CA10: variants seen among roughly 807,000 people sequenced by gnomAD.
CA10 encodes carbonic anhydrase-related protein 10.
Under a neutral mutation model 44.2 loss-of-function variants are expected in CA10, and 14 were observed. That is an observed-to-expected ratio of 0.32 (90% CI 0.21 to 0.50). CA10 has a LOEUF of 0.50. CA10 is among the 20% of genes least tolerant of loss of function. The pLI is 0.99. For missense variants in CA10, 350 were observed against 409.7 expected (o/e 0.85, Z 1.26); for synonymous variants, 159 against 141.6 (o/e 1.12, Z -0.87).
At chr17:51,684,202 C>A (rs1268968395) in intron 4 of CA10, among the ~76,000 whole-genome samples, 2 of 152,060 alleles carry the variant, frequency 1.3e-5, no homozygotes, top group African/African-American at 4.8e-5. Context: ...TGTGAGAAGG[C>A]GTCAACTGGC....
chr17:52,063,727 C>T (rs1362808483), intron 2 of CA10, among the ~76,000 whole-genome samples: 1 of 152,130 alleles, frequency 6.6e-6, no homozygotes, highest in Non-Finnish European at 1.5e-5. Context: ...GATGCTGGTG[C>T]CATGCTTCTT....
At chr17:51,845,438 T>C (rs547952031) in intron 3 of CA10, among the ~76,000 whole-genome samples, 25 of 152,314 alleles carry the variant, frequency 1.6e-4, no homozygotes, top group African/African-American at 5.5e-4. Flanking sequence ...ATCTTGAAAG[T>C]AGACCTTACT....
At chr17:52,140,764 G>A (rs1989461047) in intron 1 of CA10, among the ~76,000 whole-genome samples, 1 of 152,142 alleles carries the variant, frequency 6.6e-6, no homozygotes, top group African/African-American at 2.4e-5. Flanking sequence ...GTCTTTGCCA[G>A]AACCCACTCT....
chr17:51,889,962 C>A (rs1419093710), intron 3 of CA10, among the ~76,000 whole-genome samples: 1 of 152,172 alleles, frequency 6.6e-6, no homozygotes, highest in East Asian at 1.9e-4. Flanking sequence ...AGTTTGCAAG[C>A]AGTCCTGGGG....
At chr17:51,934,068 G>C (rs203095) in intron 2 of CA10, among the ~76,000 whole-genome samples, 102,730 of 151,950 alleles carry the variant, frequency 0.68, 35,084 homozygotes, top group Non-Finnish European at 0.71. Flanking sequence ...AATCGAGGAA[G>C]AAGTGAGAAA....
chr17:52,091,614 T>C (rs1048188178), intron 1 of CA10, among the ~76,000 whole-genome samples: 1 of 152,040 alleles, frequency 6.6e-6, no homozygotes, highest in Non-Finnish European at 1.5e-5. Flanking sequence ...ACCCTAAGGG[T>C]GATTGATGAG....
At chr17:52,073,553 G>A (rs1168803993) in intron 1 of CA10, among the ~76,000 whole-genome samples, 5 of 152,080 alleles carry the variant, frequency 3.3e-5, no homozygotes, top group Non-Finnish European at 5.9e-5. Flanking sequence ...TGGGCTTAGG[G>A]GACTTTAAAA....
intron 2 of CA10, among the ~76,000 whole-genome samples, chr17:52,000,481 T>C (rs1256957038): frequency 6.6e-6 from 1 of 152,106 alleles, no homozygotes; most frequent in East Asian, 1.9e-4. Flanking sequence ...CATGAATTAA[T>C]GGTAATTACT....
chr17:51,723,107 T>C (rs9897555), intron 4 of CA10, among the ~76,000 whole-genome samples: 6,254 of 152,250 alleles, frequency 0.041, 413 homozygotes, highest in African/African-American at 0.14. Context: ...TAATGAGCCT[T>C]TCAAGATGCT....
chr17:51,869,611 G>A (rs1979713647), intron 3 of CA10, among the ~76,000 whole-genome samples: 1 of 152,284 alleles, frequency 6.6e-6, no homozygotes, highest in East Asian at 1.9e-4. Flanking sequence ...AATGAGGCAC[G>A]GAGTGAAAGC....
chr17:51,753,290 G>A (rs1904955860), intron 3 of CA10, among the ~76,000 whole-genome samples: 1 of 152,192 alleles, frequency 6.6e-6, no homozygotes, highest in Admixed American at 6.5e-5. Context: ...GAAGCACTAT[G>A]TTCTTTTGCA....
At chr17:51,968,710 A>G (rs1646191866) in intron 2 of CA10, among the ~76,000 whole-genome samples, 1 of 151,944 alleles carries the variant, frequency 6.6e-6, no homozygotes, top group Non-Finnish European at 1.5e-5. Flanking sequence ...TTTATTGTAC[A>G]TAAATAAAAA....
intron 2 of CA10, among the ~76,000 whole-genome samples, chr17:52,019,006 C>T (rs1986054950): frequency 6.6e-6 from 1 of 152,080 alleles, no homozygotes; most frequent in African/African-American, 2.4e-5. Flanking sequence ...CTTGCTCTCT[C>T]ACCATGTGAC....
intron 2 of CA10, among the ~76,000 whole-genome samples, chr17:51,983,823 A>C (rs959963435): frequency 6.6e-6 from 1 of 151,794 alleles, no homozygotes; most frequent in Non-Finnish European, 1.5e-5. Context: ...TAAAATTTTT[A>C]AAATCCTATG....
At chr17:51,772,107 A>G (rs571224279) in intron 3 of CA10, among the ~76,000 whole-genome samples, 1 of 152,146 alleles carries the variant, frequency 6.6e-6, no homozygotes, top group East Asian at 1.9e-4. Context: ...ACATAGCTGA[A>G]CCTCTCTGTG....
At chr17:51,732,884 G>C (rs148465305) in intron 4 of CA10, among the ~76,000 whole-genome samples, 383 of 152,308 alleles carry the variant, frequency 2.5e-3, no homozygotes, top group African/African-American at 8.6e-3. Context: ...GGGGAGAATT[G>C]AGAATAAGGC....
At chr17:51,824,340 T>C (rs1388484746) in intron 3 of CA10, among the ~76,000 whole-genome samples, 1 of 152,190 alleles carries the variant, frequency 6.6e-6, no homozygotes, top group Admixed American at 6.5e-5. Context: ...TAGTTTACAC[T>C]CTAGCAGGGC....
intron 1 of CA10, among the ~76,000 whole-genome samples, chr17:52,082,322 T>C (rs948520808): frequency 1.3e-5 from 2 of 152,216 alleles, no homozygotes; most frequent in African/African-American, 4.8e-5. Context: ...TCAATAATAG[T>C]GGAACACAAA....
At chr17:51,680,787 A>T (rs1290303971) in intron 4 of CA10, among the ~76,000 whole-genome samples, 1 of 152,120 alleles carries the variant, frequency 6.6e-6, no homozygotes, top group African/African-American at 2.4e-5. Flanking sequence ...GTGTAGAATG[A>T]CCATAGGTTG....
Sources: allele counts gnomAD v4.1 joint callset (sites outside exome capture counted in the v4.1 genomes callset), GRCh38; gene constraint gnomAD v4.1.1; transcripts MANE v1.5; gene names NCBI Gene and HGNC (gene_info 2026-07-23, HGNC 2026-07-21).